The following PLEKHG4B variants were observed in gnomAD, a reference collection of about 807,000 sequenced individuals.
The protein encoded by PLEKHG4B is pleckstrin homology and RhoGEF domain containing G4B, also known as pleckstrin homology domain-containing family G member 4B.
A neutral mutation model predicts 121.3 loss-of-function variants in PLEKHG4B; 111 were observed. The ratio of observed to expected loss-of-function variants is 0.92; its 90% CI spans 0.78 to 1.07. The LOEUF (loss-of-function observed/expected upper bound fraction) is 1.07, where lower values mean the gene tolerates loss of function less well. PLEKHG4B is among the 50% of genes least tolerant of loss of function. The pLI is 0.00. For missense variants in PLEKHG4B, 1,831 were observed against 1,757.8 expected (o/e 1.04, Z -0.74); for synonymous variants, 738 against 725.0 (o/e 1.02, Z -0.29).
Position 152,583 on chromosome 5 carries a change from G to A in PLEKHG4B, c.1992+984G>A, listed in dbSNP as rs190702205. Among the ~76,000 whole-genome samples, 408 of 152,102 alleles carry A rather than the reference G, an allele frequency of 2.7e-3. 4 individuals are homozygous for A. The highest frequency in any genetic ancestry group is 9.3e-3 in the African/African-American group (387 of 41,490). ...TACTTCAATTGCGTATACCAGTATTGTCCCGCAGATCTCTAAGAATCTGTC... is the reference window on the plus strand; with the variant it reads ...TACTTCAATTGCGTATACCAGTATTATCCCGCAGATCTCTAAGAATCTGTC... On this transcript the variant is annotated intron_variant, in intron 7 of 19. Coordinates refer to ENST00000637938, the MANE Select transcript of PLEKHG4B (RefSeq NM_052909.5).
chr5:173,909 TGACTGCAGACGGCC>T lies in PLEKHG4B; in HGVS notation c.4222-6_4229del, dbSNP rs1342316474. 6.2e-7 allele frequency: 1 copy of T among 1,612,328 alleles called. No individual in the cohort carries two copies. Among genetic ancestry groups the T allele is most frequent in the Non-Finnish European group, 8.5e-7 (1 of 1,179,360 alleles). On this transcript the variant is annotated splice_acceptor_variant and splice_polypyrimidine_tract_variant and coding_sequence_variant and intron_variant, in exon 18 of 20. Coordinates refer to ENST00000637938, the MANE Select transcript of PLEKHG4B (RefSeq NM_052909.5). LOFTEE classifies it high-confidence loss of function. ...TGATGGTGCTGCAATGGGTGTTTGCTGACTGCAGACGGCCGAGATCGGGATGACAGAGAACGTCG... is the reference window on the plus strand; with the variant it reads ...TGATGGTGCTGCAATGGGTGTTTGCTGAGATCGGGATGACAGAGAACGTCG...
chr5:180,949 T>TA (rs1325962552), intron 18 of PLEKHG4B, among the ~76,000 whole-genome samples: 1 of 152,226 alleles, frequency 6.6e-6, no homozygotes, highest in Non-Finnish European at 1.5e-5. Flanking sequence ...AAACAATTCT[T>TA]ACTATAATAT....
chr5:118,408 G>C (rs1181788213), intron 2 of PLEKHG4B, among the ~76,000 whole-genome samples: 1 of 152,172 alleles, frequency 6.6e-6, no homozygotes, highest in African/African-American at 2.4e-5. Context: ...AGCAACTTTA[G>C]AATCCTTCCC....
intron 1 of PLEKHG4B, among the ~76,000 whole-genome samples, chr5:95,078 C>T (rs1733592216): frequency 6.6e-6 from 1 of 152,106 alleles, no homozygotes; most frequent in Non-Finnish European, 1.5e-5. Flanking sequence ...ACACCTGGGC[C>T]CAGGTTCTCA....
Position 164,758 on chromosome 5 carries a change from C to T in PLEKHG4B, c.3476+1210C>T, listed in dbSNP as rs75538478. Among the ~76,000 whole-genome samples the T allele has an allele frequency of 2.0e-4, 9 of 45,986 alleles. 1 individual carries two copies. The highest frequency in any genetic ancestry group is 1.4e-3 in the Admixed American group (6 of 4,268). The allele number at this position is 45,986 out of a possible 152,430, so 30.2% of individuals were successfully genotyped here. A position where few individuals can be genotyped will look rare whatever the true frequency, so the allele number is the denominator to read the frequency against. ...CTGACGGGGCGGGGCTCACAGTAAT[C>T]CTCTGACGGGGCGGAGCTCACACTA... On this transcript the variant is annotated intron_variant, in intron 13 of 19. Transcript: ENST00000637938.
chr5:148,300 C>T (rs1312114419), intron 6 of PLEKHG4B, among the ~76,000 whole-genome samples: 3 of 150,572 alleles, frequency 2.0e-5, no homozygotes, highest in African/African-American at 7.4e-5. Flanking sequence ...TATCTCTATT[C>T]CCAGATGATG....
Position 120,691 on chromosome 5 carries a change from A to T in PLEKHG4B, c.243+7243A>T, listed in dbSNP as rs1013453648. 1.1e-4 allele frequency among the ~76,000 whole-genome samples: 16 copies of T among 152,276 alleles called. 1 individual carries two copies. The highest frequency in any genetic ancestry group is 4.1e-4 in the South Asian group (2 of 4,820). Reference sequence around the variant, plus strand: ...CTAACTGCCTAACAGAAGAAAGAACATTTCCTCTTGAAAGGAAACATGCCT... The same window carrying T: ...CTAACTGCCTAACAGAAGAAAGAACTTTTCCTCTTGAAAGGAAACATGCCT... On this transcript the variant is annotated intron_variant, in intron 2 of 19. Transcript: ENST00000637938.
intron 1 of PLEKHG4B, among the ~76,000 whole-genome samples, chr5:97,866 C>T (rs1010717237): frequency 3.9e-5 from 6 of 152,150 alleles, no homozygotes; most frequent in African/African-American, 1.2e-4. Context: ...CCACCAGACT[C>T]GCTCCATAGC....
intron 2 of PLEKHG4B, among the ~76,000 whole-genome samples, chr5:132,569 A>T (rs1272439013): frequency 6.6e-6 from 1 of 152,110 alleles, no homozygotes; most frequent in Non-Finnish European, 1.5e-5. Context: ...TGATTTTTGT[A>T]TAAGGTGAGA....
chr5:148,119 T>C (rs1472007438), intron 6 of PLEKHG4B, among the ~76,000 whole-genome samples: 1 of 151,874 alleles, frequency 6.6e-6, no homozygotes, highest in Non-Finnish European at 1.5e-5. Flanking sequence ...ACAGCAAATA[T>C]CATACTCAAT....
Position 113,843 on chromosome 5 carries a change from C to G in PLEKHG4B, c.243+395C>G, listed in dbSNP as rs985040751. On this transcript the variant is annotated intron_variant, in intron 2 of 19. Transcript: ENST00000637938. This position sits in a 1 kb window ranked among gnomAD's most constrained non-coding sequence, Gnocchi z 5.2. ...TGCAGCAGTAACAATGAAGGCCCAC[C>G]TGGAAGGGATAGTAGTGAGAACCTC... 6.6e-6 allele frequency among the ~76,000 whole-genome samples: 1 copy of G among 151,868 alleles called. No individual in the cohort carries two copies. Among genetic ancestry groups the G allele is most frequent in the African/African-American group, 2.4e-5 (1 of 41,330 alleles).
At chr5:181,771 C>T (rs1733394251) in intron 19 of PLEKHG4B, 96 bp downstream of exon 19, 11 of 1,491,692 alleles carry the variant, frequency 7.4e-6, no homozygotes, top group Non-Finnish European at 1.0e-5. Context: ...CACCCTCACT[C>T]GCCCACAGAG....
chr5:98,627 G>A (rs1320378264), intron 1 of PLEKHG4B, among the ~76,000 whole-genome samples: 4 of 145,980 alleles, frequency 2.7e-5, no homozygotes, highest in Non-Finnish European at 6.0e-5. Context: ...GTGTGTGTGT[G>A]TGTGTGTGTG....
In PLEKHG4B at chr5:161,961, G is replaced by T; in HGVS notation, c.2649+17G>T. ...TGCGAGACGGTAAGAGACCCAGTGGGCGTGCGTCCCAGGGATCCCGGCTCC... is the reference window on the plus strand; with the variant it reads ...TGCGAGACGGTAAGAGACCCAGTGGTCGTGCGTCCCAGGGATCCCGGCTCC... On this transcript the variant is annotated intron_variant, in intron 12 of 19. Transcript: ENST00000637938. The T allele has an allele frequency of 6.3e-7, 1 of 1,596,388 alleles. No homozygotes were observed.
chr5:149,939 A>C (rs1032682901), intron 6 of PLEKHG4B, among the ~76,000 whole-genome samples: 2 of 152,254 alleles, frequency 1.3e-5, no homozygotes, highest in Non-Finnish European at 2.9e-5. Context: ...ATAGTGACTC[A>C]TTGTGGAAAA....
chr5:146,074 T>A (rs1445131487), intron 6 of PLEKHG4B, among the ~76,000 whole-genome samples: 1 of 143,608 alleles, frequency 7.0e-6, no homozygotes, highest in African/African-American at 2.6e-5. Flanking sequence ...TGGTCCTCAC[T>A]CCTCTCCCCA....
chr5:130,061 A>AAGAGAGAGAGAG (rs754535739), intron 2 of PLEKHG4B, among the ~76,000 whole-genome samples: 2,216 of 150,378 alleles, frequency 0.015, 61 homozygotes, highest in African/African-American at 0.051. Flanking sequence ...AGTGAATATG[A>AAGAGAGAGAGAG]AGAGAGAGTG....
At chr5:154,784 C>A in intron 7 of PLEKHG4B, 91 bp from the exon 8 acceptor site, 1 of 972,322 alleles carries the variant, frequency 1.0e-6, no homozygotes, top group Admixed American at 1.7e-5. Context: ...CCAGCCTCTC[C>A]ATCCTCTGAA....
intron 6 of PLEKHG4B, among the ~76,000 whole-genome samples, chr5:147,014 G>T (rs978384725): frequency 6.6e-6 from 1 of 152,134 alleles, no homozygotes. Flanking sequence ...CCCTGCAGTG[G>T]CATCCTCCAG....
Sources: gnomAD v4.1 joint callset for allele counts (sites outside exome capture counted in the v4.1 genomes callset) on GRCh38, gnomAD v4.1.1 for gene constraint, Gnocchi (gnomAD v3.1) non-coding constraint, MANE v1.5 for transcripts, NCBI Gene and HGNC (gene_info 2026-07-23, HGNC 2026-07-21) for gene names.